Variants in SEMA4B observed in about 807,000 individuals in gnomAD.
The protein encoded by SEMA4B is semaphorin 4B.
Under a neutral mutation model 88.1 loss-of-function variants are expected in SEMA4B, and 55 were observed. That is an observed-to-expected ratio of 0.62 (90% confidence interval 0.50 to 0.78). SEMA4B has a LOEUF of 0.78. Ranked by LOEUF, SEMA4B falls within the 30% of genes least tolerant of loss-of-function variation. The pLI, the probability that SEMA4B is intolerant of heterozygous loss-of-function variation, is 0.00. For synonymous variants in SEMA4B, 525 were observed against 473.6 expected, an observed-to-expected ratio of 1.11 and a Z score of -1.41; for missense variants, 1,062 against 1,111.9, an observed-to-expected ratio of 0.96 and a Z score of 0.64.
chr15:90,195,924 C>CTTTTTTTTTTTTTTTT (rs776885861), intron 1 of SEMA4B, among the ~76,000 whole-genome samples: 1 of 76,664 alleles, frequency 1.3e-5, no homozygotes, highest in African/African-American at 4.3e-5. Flanking sequence ...TTGTACTTCT[C>CTTTTTTTTTTTTTTTT]TTTTTTTTTT....
Position 90,223,611 on chromosome 15 carries a change from A to AGGCCCAGCTGCTGTGCTCAC in SEMA4B, c.920_939dup (p.Asp314SerfsTer22). The stretch of plus-strand genomic sequence containing the variant: ...CAGCAGCGCTGGACCTCCTTCCTCA[A>AGGCCCAGCTGCTGTGCTCAC]GGCCCAGCTGCTGTGCTCACGGCCC... On this transcript the variant is annotated frameshift_variant, in exon 8 of 14. Transcript: ENST00000411539. LOFTEE classifies it high-confidence loss of function. The AGGCCCAGCTGCTGTGCTCAC allele has an allele frequency of 6.2e-7, 1 of 1,612,942 alleles. No individual in the cohort carries two copies. Among genetic ancestry groups the AGGCCCAGCTGCTGTGCTCAC allele is most frequent in the Non-Finnish European group, 8.5e-7 (1 of 1,179,484 alleles).
At chr15:90,191,348 A>G (rs972289953) in intron 1 of SEMA4B, among the ~76,000 whole-genome samples, 19 of 152,308 alleles carry the variant, frequency 1.2e-4, no homozygotes, top group African/African-American at 4.6e-4. Context: ...GAGTACCCAG[A>G]AGGGGGTCCT....
upstream of SEMA4B, among the ~76,000 whole-genome samples, chr15:90,198,093 AT>A (rs947915235): frequency 6.0e-5 from 9 of 150,076 alleles, no homozygotes; most frequent in African/African-American, 1.5e-4. Flanking sequence ...TGCCCGGCTA[AT>A]TTTTTTTTGT....
chr15:90,228,753 C>T lies in SEMA4B; in HGVS notation c.*110C>T. 6.9e-7 allele frequency: 1 copy of T among 1,459,092 alleles called. No homozygotes were observed. The highest frequency in any genetic ancestry group is 9.3e-7 in the Non-Finnish European group (1 of 1,080,588). The allele number at this position is 1,459,092 out of a possible 1,614,324, so 90.4% of individuals were successfully genotyped here. On this transcript the variant is annotated 3_prime_UTR_variant, in exon 14 of 14. Transcript: ENST00000411539. Reference sequence around the variant, plus strand: ...TCTTCGTGGAACACGACCGTGGTGCCCGGCCCTTGGGAGCCTTGGGGCCAG... The same window carrying T: ...TCTTCGTGGAACACGACCGTGGTGCTCGGCCCTTGGGAGCCTTGGGGCCAG...
Position 90,224,045 on chromosome 15 carries a change from C to T in SEMA4B, c.1194+57C>T, listed in dbSNP as rs528606897. Reference sequence around the variant, plus strand: ...TGCCGGGAAGATGTGGGTCCCCACACCATGCTGGGAGCAAGGCTGCCTAGC... The same window carrying T: ...TGCCGGGAAGATGTGGGTCCCCACATCATGCTGGGAGCAAGGCTGCCTAGC... On this transcript the variant is annotated intron_variant, in intron 9 of 13. Coordinates refer to ENST00000411539, the MANE Select transcript of SEMA4B (RefSeq NM_198925.4). 3.0e-5 allele frequency: 47 copies of T among 1,542,356 alleles called. 1 individual carries two copies. In the African/African-American group the frequency reaches 4.5e-4, roughly 15 times the overall value.
rs900191504 is a variant in SEMA4B, at chr15:90,227,419, A to G, written c.1689-138A>G. 5 of 649,350 alleles carry G rather than the reference A, an allele frequency of 7.7e-6. No homozygotes were observed. In the Admixed American group the frequency reaches 1.1e-4, roughly 14 times the overall value. 40.2% of individuals were successfully genotyped at this position (649,350 alleles called of 1,614,324 possible). A position where few individuals can be genotyped will look rare whatever the true frequency, so the allele number is the denominator to read the frequency against. On this transcript the variant is annotated intron_variant, in intron 12 of 13. Coordinates refer to ENST00000411539, the MANE Select transcript of SEMA4B (RefSeq NM_198925.4). ...CTTTGACTTGAAATAATGTGTAGACAGAGGAGATGCTGACTCCTGTGGGTG... is the reference window on the plus strand; with the variant it reads ...CTTTGACTTGAAATAATGTGTAGACGGAGGAGATGCTGACTCCTGTGGGTG...
At chr15:90,197,647 C>T (rs1960555928), upstream of SEMA4B, among the ~76,000 whole-genome samples, 1 of 151,812 alleles carries the variant, frequency 6.6e-6, no homozygotes, top group Non-Finnish European at 1.5e-5. Context: ...CTGTGTTAGC[C>T]AGGATGGTCT....
intron 1 of SEMA4B, among the ~76,000 whole-genome samples, chr15:90,206,408 A>C (rs1217491756): frequency 6.6e-6 from 1 of 152,068 alleles, no homozygotes; most frequent in African/African-American, 2.4e-5. Context: ...CCTCCTCTTC[A>C]CATTCTGACC....
rs1192485549 is a variant in SEMA4B, at chr15:90,201,550, C to T, written c.-29C>T. ...CCGGCCGAGCCACCTGAGCCCGAGCCGCGGGACACCGTCGCTCCTGCTCTC... is the reference window on the plus strand; with the variant it reads ...CCGGCCGAGCCACCTGAGCCCGAGCTGCGGGACACCGTCGCTCCTGCTCTC... On this transcript the variant is annotated 5_prime_UTR_variant, in exon 1 of 14. Coordinates refer to ENST00000411539, the MANE Select transcript of SEMA4B (RefSeq NM_198925.4). 3 of 1,432,182 alleles carry T rather than the reference C, an allele frequency of 2.1e-6. No individual in the cohort carries two copies. Among genetic ancestry groups the T allele is most frequent in the African/African-American group, 3.0e-5 (2 of 67,160 alleles). 88.7% of individuals were successfully genotyped at this position (1,432,182 alleles called of 1,614,324 possible). A position where few individuals can be genotyped will look rare whatever the true frequency, so the allele number is the denominator to read the frequency against.
At chr15:90,211,964 A>G (rs1304914680) in intron 1 of SEMA4B, among the ~76,000 whole-genome samples, 1 of 152,022 alleles carries the variant, frequency 6.6e-6, no homozygotes, top group African/African-American at 2.4e-5. Flanking sequence ...GTTCTGAGTC[A>G]CAGCGCTGCT....
In SEMA4B at chr15:90,184,983, C is replaced by A. The variant is rs576199409; in HGVS notation, c.-220C>A. On this transcript the variant is annotated 5_prime_UTR_variant, in exon 1 of 15. Transcript: ENST00000332496. ...CGAGACTCCGGGTCCCCAGGGGCTG[C>A]GCCGGGCCGGCCTGGCAAGGGGGAC... 1.6e-4 allele frequency: 156 copies of A among 985,800 alleles called. No individual in the cohort carries two copies. The African/African-American group carries it at 2.6e-3, about 17-fold the overall frequency. The allele number at this position is 985,800 out of a possible 1,614,324, so 61.1% of individuals were successfully genotyped here.
chr15:90,201,066 A>G (rs1045417755), upstream of SEMA4B, among the ~76,000 whole-genome samples: 2 of 152,130 alleles, frequency 1.3e-5, no homozygotes, highest in Admixed American at 6.5e-5. Context: ...CCACTAGCAG[A>G]GGGTCCCAGA....
In SEMA4B at chr15:90,212,481, G is replaced by A. The variant is rs751604191; in HGVS notation, c.158-4958G>A. ...AGCAGCACAGGCAGCCCAGGAGAGC[G>A]AGCGAGACACTCTTTGACACAAGGG... On this transcript the variant is annotated intron_variant, in intron 1 of 13. Transcript: ENST00000411539. The surrounding 1 kb of genome is among the most constrained non-coding windows in gnomAD (Gnocchi z 4.0). 7.2e-5 allele frequency among the ~76,000 whole-genome samples: 11 copies of A among 152,140 alleles called. No individual in the cohort carries two copies. The highest frequency in any genetic ancestry group is 1.9e-4 in the East Asian group (1 of 5,192).
In SEMA4B at chr15:90,220,596, C is replaced by T. The variant is rs1961772440; in HGVS notation, c.484-386C>T. The stretch of plus-strand genomic sequence containing the variant: ...GTGTTAGCCAGGATGGTCTTGATCT[C>T]CTGACCTCGTGATCCACCCGCCTCG... On this transcript the variant is annotated intron_variant, in intron 4 of 13. Coordinates refer to ENST00000411539, the MANE Select transcript of SEMA4B (RefSeq NM_198925.4). Among the ~76,000 whole-genome samples, 3 of 151,788 alleles carry T rather than the reference C, an allele frequency of 2.0e-5. 1 individual carries two copies. The highest frequency in any genetic ancestry group is 2.1e-4 in the South Asian group (1 of 4,800).
chr15:90,197,528 C>G (rs571493346), upstream of SEMA4B, among the ~76,000 whole-genome samples: 15 of 151,348 alleles, frequency 9.9e-5, no homozygotes, highest in African/African-American at 3.7e-4. Context: ...AGCTCCGCCT[C>G]CCGGGTTCAC....
chr15:90,197,291 C>T (rs1232808396), upstream of SEMA4B, among the ~76,000 whole-genome samples: 1 of 151,912 alleles, frequency 6.6e-6, no homozygotes, highest in African/African-American at 2.4e-5. Flanking sequence ...TCAGGAGGCT[C>T]AGGTGGAAGG....
chr15:90,188,754 G>GC (rs1308480135), intron 1 of SEMA4B, among the ~76,000 whole-genome samples: 2 of 151,826 alleles, frequency 1.3e-5, no homozygotes, highest in Non-Finnish European at 2.9e-5. Context: ...TGCAAGCTCC[G>GC]CCCCCCGGAT....
At position 90,217,753 on chromosome 15, in the gene SEMA4B, T is replaced by G; in HGVS notation, c.322-14T>G. ...TCCATTTTGTCCACTACCTTCCCCTTTCTCATTCCCCAGCTGCTTTGGGGT... is the reference window on the plus strand; with the variant it reads ...TCCATTTTGTCCACTACCTTCCCCTGTCTCATTCCCCAGCTGCTTTGGGGT... On this transcript the variant is annotated splice_polypyrimidine_tract_variant and intron_variant, in intron 2 of 13. Transcript: ENST00000411539. 6.2e-7 allele frequency: 1 copy of G among 1,613,250 alleles called. No homozygotes were observed. The highest frequency in any genetic ancestry group is 2.2e-5 in the East Asian group (1 of 44,878).
chr15:90,210,529 C>T (rs1961214661), intron 1 of SEMA4B, among the ~76,000 whole-genome samples: 1 of 152,178 alleles, frequency 6.6e-6, no homozygotes, highest in Admixed American at 6.5e-5. Flanking sequence ...GGTCGGGCGG[C>T]ATCCCCACCA....
Sources: gnomAD v4.1 joint callset for allele counts (sites outside exome capture counted in the v4.1 genomes callset) on GRCh38, gnomAD v4.1.1 for gene constraint, Gnocchi (gnomAD v3.1) non-coding constraint, MANE v1.5 for transcripts, NCBI Gene and HGNC (gene_info 2026-07-23, HGNC 2026-07-21) for gene names.